The following GRM7 variants were observed in gnomAD, a reference collection of about 807,000 sequenced individuals.
The protein encoded by GRM7 is glutamate metabotropic receptor 7.
Under a neutral mutation model 84.5 loss-of-function variants are expected in GRM7, and 35 were observed. That is an observed-to-expected ratio of 0.41 (90% CI 0.32 to 0.55). The LOEUF (loss-of-function observed/expected upper bound fraction) is 0.55. Among genes scored for constraint, GRM7 ranks in the 20% least tolerant of loss-of-function variants. The probability of loss-of-function intolerance (pLI) is 0.19; values close to 1 mark genes in which losing one functional copy is unlikely to be tolerated. For missense variants in GRM7, 1,003 were observed against 1,194.6 expected, an observed-to-expected ratio of 0.84 and a Z score of 2.36; for synonymous variants, 487 against 455.1, an observed-to-expected ratio of 1.07 and a Z score of -0.89.
intron 4 of GRM7, among the ~76,000 whole-genome samples, chr3:7,411,369 A>T (rs1695928979): frequency 6.6e-6 from 1 of 152,242 alleles, no homozygotes. Flanking sequence ...GTTTAAAAAT[A>T]GTTATAACAT....
At chr3:7,372,077 G>C (rs753512377) in intron 4 of GRM7, among the ~76,000 whole-genome samples, 1 of 152,132 alleles carries the variant, frequency 6.6e-6, no homozygotes, top group African/African-American at 2.4e-5. Context: ...CTACAGATGA[G>C]GGCCTCAACT....
chr3:6,868,153 C>T (rs1250881489), intron 1 of GRM7, among the ~76,000 whole-genome samples: 1 of 152,158 alleles, frequency 6.6e-6, no homozygotes, highest in Non-Finnish European at 1.5e-5. Flanking sequence ...TACATATTCT[C>T]ATCCCATTGT....
chr3:7,211,652 C>CAGAAA (rs1696431370), intron 2 of GRM7, among the ~76,000 whole-genome samples: 1 of 122,710 alleles, frequency 8.1e-6, no homozygotes, highest in Non-Finnish European at 1.6e-5. Flanking sequence ...TTCTCCCAAC[C>CAGAAA]AAAAAAAAAA....
intron 1 of GRM7, among the ~76,000 whole-genome samples, chr3:6,900,611 C>A (rs1298080205): frequency 6.6e-6 from 1 of 151,886 alleles, no homozygotes; most frequent in African/African-American, 2.4e-5. Context: ...ATTTGAAATG[C>A]GATGATATAC....
chr3:6,994,117 G>A (rs1694745364), intron 1 of GRM7, among the ~76,000 whole-genome samples: 1 of 152,214 alleles, frequency 6.6e-6, no homozygotes, highest in Admixed American at 6.5e-5. Context: ...GGATATTGAA[G>A]TAGGAGAAGA....
chr3:7,226,975 C>G (rs994087984), intron 2 of GRM7, among the ~76,000 whole-genome samples: 1 of 152,132 alleles, frequency 6.6e-6, no homozygotes, highest in Admixed American at 6.6e-5. Flanking sequence ...TTTCAAAGGG[C>G]ATTTCCAAGG....
chr3:7,003,658 T>G (rs1427113896), intron 1 of GRM7, among the ~76,000 whole-genome samples: 4 of 152,200 alleles, frequency 2.6e-5, no homozygotes, highest in Non-Finnish European at 5.9e-5. Context: ...TACTTTGCAA[T>G]TTTAGCTAAG....
intron 1 of GRM7, among the ~76,000 whole-genome samples, chr3:6,886,102 T>TGTGG (rs2124972223): frequency 6.6e-6 from 1 of 151,966 alleles, no homozygotes; most frequent in Non-Finnish European, 1.5e-5. Context: ...CCATTGTGTG[T>TGTGG]GTGTGTGGGT....
At chr3:7,651,491 T>G (rs1698935918) in intron 8 of GRM7, among the ~76,000 whole-genome samples, 1 of 152,184 alleles carries the variant, frequency 6.6e-6, no homozygotes, top group Non-Finnish European at 1.5e-5. Context: ...TCGGGCAAAC[T>G]GGCAAAGCTC....
At chr3:7,525,271 T>C (rs927793926) in intron 7 of GRM7, among the ~76,000 whole-genome samples, 1 of 151,848 alleles carries the variant, frequency 6.6e-6, no homozygotes. Context: ...ATAATAATAA[T>C]AAAATAAAAA....
chr3:7,064,486 A>G (rs1286577373), intron 1 of GRM7, among the ~76,000 whole-genome samples: 3 of 76,532 alleles, frequency 3.9e-5, no homozygotes, highest in African/African-American at 1.7e-4. Flanking sequence ...ATATACACAC[A>G]TATACATATA....
At chr3:7,161,142 G>T (rs145850807) in intron 2 of GRM7, among the ~76,000 whole-genome samples, 4 of 151,800 alleles carry the variant, frequency 2.6e-5, no homozygotes, top group African/African-American at 7.3e-5. Flanking sequence ...ACTCCTATAA[G>T]GTGGTCCTCC....
intron 7 of GRM7, among the ~76,000 whole-genome samples, chr3:7,472,466 C>T (rs1298469817): frequency 1.3e-5 from 2 of 152,274 alleles, no homozygotes; most frequent in East Asian, 3.9e-4. Context: ...CTAGATTCAA[C>T]GATAAACATA....
intron 4 of GRM7, among the ~76,000 whole-genome samples, chr3:7,351,339 G>GAAAAAAA (rs768248079): frequency 2.3e-3 from 104 of 45,864 alleles, no homozygotes; most frequent in Non-Finnish European, 3.2e-3. Flanking sequence ...TCCCACAGGC[G>GAAAAAAA]AAAAAAAAAA....
At chr3:6,939,608 T>A (rs532381446) in intron 1 of GRM7, among the ~76,000 whole-genome samples, 5 of 152,150 alleles carry the variant, frequency 3.3e-5, no homozygotes, top group Non-Finnish European at 7.4e-5. Context: ...TTCAACTCTG[T>A]GTCAAAAAGC....
At chr3:7,333,867 C>G (rs1701303594) in intron 4 of GRM7, among the ~76,000 whole-genome samples, 2 of 151,896 alleles carry the variant, frequency 1.3e-5, no homozygotes, top group Admixed American at 1.3e-4. Flanking sequence ...GAAAGAACTT[C>G]AGAGCTCGAA....
intron 2 of GRM7, among the ~76,000 whole-genome samples, chr3:7,277,478 A>G (rs1699114845): frequency 6.6e-6 from 1 of 152,054 alleles, no homozygotes; most frequent in Non-Finnish European, 1.5e-5. Context: ...TGGAGCTACC[A>G]CTTTTTTATC....
At chr3:7,685,417 A>G (rs530834643) in intron 9 of GRM7, among the ~76,000 whole-genome samples, 29 of 152,274 alleles carry the variant, frequency 1.9e-4, no homozygotes, top group African/African-American at 6.5e-4. Flanking sequence ...CTAGATATAG[A>G]GAGTTTACTC....
At chr3:7,172,043 T>C (rs934094572) in intron 2 of GRM7, among the ~76,000 whole-genome samples, 3 of 152,206 alleles carry the variant, frequency 2.0e-5, no homozygotes, top group South Asian at 2.1e-4. Flanking sequence ...GGAAAGGGAC[T>C]TCCATGCTGG....
Sources: gnomAD v4.1 joint callset for allele counts (sites outside exome capture counted in the v4.1 genomes callset) on GRCh38, gnomAD v4.1.1 for gene constraint, MANE v1.5 for transcripts, NCBI Gene and HGNC (gene_info 2026-07-23, HGNC 2026-07-21) for gene names.